Variants in RNF123 observed in about 807,000 individuals in gnomAD.
RNF123 encodes the protein E3 ubiquitin-protein ligase RNF123.
In RNF123, 86 loss-of-function variants were observed where a neutral mutation model predicts 168.5. That is an observed-to-expected ratio of 0.51 (90% CI 0.43 to 0.61). RNF123 has a LOEUF of 0.61. Ranked by LOEUF, RNF123 falls within the 20% of genes least tolerant of loss-of-function variation. RNF123 has a pLI of 0.00. For missense variants in RNF123, 1,419 were observed against 1,729.7 expected (o/e 0.82, Z 3.19); for synonymous variants, 666 against 689.1 (o/e 0.97, Z 0.52).
intron 3 of RNF123, among the ~76,000 whole-genome samples, chr3:49,693,925 C>G (rs1045527576): frequency 6.6e-6 from 1 of 152,180 alleles, no homozygotes; most frequent in African/African-American, 2.4e-5. Flanking sequence ...CTGTTCGTAT[C>G]TTTTGCCCAT....
At chr3:49,713,101 C>T in intron 27 of RNF123, 1 of 601,572 alleles carries the variant, frequency 1.7e-6, no homozygotes, top group South Asian at 2.0e-5. Flanking sequence ...TCTCAGCCTG[C>T]TGATTCCAGG....
Position 49,700,664 on chromosome 3 carries a change from T to C in RNF123, c.1232T>C (p.Ile411Thr), listed in dbSNP as rs373323429. The change falls in exon 15 of 39, where the codon ATC becomes ACC. Residue 411 changes from isoleucine to threonine, a missense_variant. Ile to Thr is a moderately conservative substitution (Grantham distance 89). This residue lies in a region of RNF123 where 349 missense variants were observed against 344.9 expected (regional missense o/e 1.01). Coordinates refer to ENST00000327697, the MANE Select transcript of RNF123 (RefSeq NM_022064.5). ...QIHYLRLTIA[I>T]LRHEKSRKFL... Reference sequence around the variant, plus strand: ...CATTACCTGCGGCTCACTATCGCCATCCTGAGGCATGAGAAGTCCCGCAAG... The same window carrying C: ...CATTACCTGCGGCTCACTATCGCCACCCTGAGGCATGAGAAGTCCCGCAAG... The C allele has an allele frequency of 1.9e-6, 3 of 1,614,066 alleles. No individual in the cohort carries two copies. In the African/African-American group the frequency reaches 4.0e-5, roughly 22 times the overall value.
chr3:49,718,104 T>G, intron 35 of RNF123: 1 of 1,613,590 alleles, frequency 6.2e-7, no homozygotes, highest in Admixed American at 1.7e-5. Context: ...CCAGAAAGAC[T>G]ACGTGCTTGT....
chr3:49,691,375 G>A (rs749232593), intron 2 of RNF123, 50 bp from the exon 3 acceptor site: 1 of 1,606,374 alleles, frequency 6.2e-7, no homozygotes, highest in Non-Finnish European at 8.5e-7. Flanking sequence ...CAGGGGCCAG[G>A]AGCTGCACTG....
At position 49,712,645 on chromosome 3, in the gene RNF123, A is replaced by T. The variant is rs1236561536; in HGVS notation, c.2663A>T (p.Glu888Val). The T allele has an allele frequency of 6.2e-7, 1 of 1,614,126 alleles. No individual in the cohort carries two copies. The highest frequency in any genetic ancestry group is 8.5e-7 in the Non-Finnish European group (1 of 1,180,020). The change falls in exon 27 of 39, where the codon GAG becomes GTG. Residue 888 changes from glutamate (E) to valine (V), a missense_variant. By Grantham distance (121) the Glu-to-Val change is moderately radical (BLOSUM62 -2). Around this residue, in one of 5 missense-constraint regions of RNF123, gnomAD observed 538 missense variants for 708.8 expected, o/e 0.76. Coordinates refer to ENST00000327697, the MANE Select transcript of RNF123 (RefSeq NM_022064.5). Reference sequence around the variant, plus strand: ...TACTTTGGTCCCGTGCACAGCATGGAGGAGCTCCCAGGTGATGGAACCATT... The same window carrying T: ...TACTTTGGTCCCGTGCACAGCATGGTGGAGCTCCCAGGTGATGGAACCATT... ...KNYFGPVHSM[E>V]ELPGYEETLT...
chr3:49,701,914 AG>A lies in RNF123; in HGVS notation c.1495+5del, dbSNP rs2054405958. 4 of 1,559,546 alleles carry A rather than the reference AG, an allele frequency of 2.6e-6. No individual in the cohort carries two copies. The highest frequency in any genetic ancestry group is 3.5e-6 in the Non-Finnish European group (4 of 1,151,396). The stretch of plus-strand genomic sequence containing the variant: ...CGGCTCAGGAAGCGCATCGAAGGTC[AG>A]CCCGCCTTGGGCACGGGGTAGGGTG... On this transcript the variant is annotated splice_donor_5th_base_variant and intron_variant, in intron 17 of 38. Coordinates refer to ENST00000327697, the MANE Select transcript of RNF123 (RefSeq NM_022064.5).
At chr3:49,707,974 T>G (rs1191440055) in intron 26 of RNF123, among the ~76,000 whole-genome samples, 2 of 152,112 alleles carry the variant, frequency 1.3e-5, no homozygotes, top group East Asian at 1.9e-4. Context: ...AGCTGTGTTT[T>G]TTTTGTTTTG....
rs2054420175 is a variant in RNF123, at chr3:49,702,329, C to G, written c.1558-5C>G. The G allele has an allele frequency of 1.2e-6, 2 of 1,614,006 alleles. No homozygotes were observed. The highest frequency in any genetic ancestry group is 1.7e-6 in the Non-Finnish European group (2 of 1,179,968). Reference sequence around the variant, plus strand: ...AGCACAGCCTCACTTTTCCCTCTCTCAAAGGGTGAAGCTTCTAGGTATATC... The same window carrying G: ...AGCACAGCCTCACTTTTCCCTCTCTGAAAGGGTGAAGCTTCTAGGTATATC... On this transcript the variant is annotated splice_region_variant and splice_polypyrimidine_tract_variant and intron_variant, in intron 18 of 38. Transcript: ENST00000327697.
Position 49,701,554 on chromosome 3 carries a change from C to T in RNF123, c.1341C>T (p.Ala447=), listed in dbSNP as rs771772390. The T allele has an allele frequency of 3.5e-5, 56 of 1,613,718 alleles. No homozygotes were observed. The highest frequency in any genetic ancestry group is 1.8e-4 in the Admixed American group (11 of 60,010). The change falls in exon 16 of 39, where the codon GCC becomes GCT. Residue 447 remains alanine (A), a synonymous_variant. Transcript: ENST00000327697. The stretch of plus-strand genomic sequence containing the variant: ...AGAGCCCCCTGCGTGTGGAGGAGGC[C>T]GGCCTGCAGGAGCTCATTCCCACCA... The part of the protein sequence containing the change: ...YIKSPLRVEE[A]GLQELIPTTW...
rs755128139 is a variant in RNF123 at position 49,703,478 on chromosome 3, A to T, written c.1802A>T (p.Asp601Val). ...VFYNGKVDYF[D>V]LQRLGGLLSH... ...TATAATGGCAAGGTGGACTACTTTG[A>T]CCTGCAGCGCCTGGGGGGCCTCCTC... The change falls in exon 21 of 39, where the codon GAC becomes GTC. Residue 601 changes from aspartate to valine, a missense_variant. Asp to Val is a radical substitution (Grantham distance 152). Around this residue, in one of 5 missense-constraint regions of RNF123, gnomAD observed 349 missense variants for 344.9 expected, o/e 1.01. Transcript: ENST00000327697. 7 of 1,613,776 alleles carry T rather than the reference A, an allele frequency of 4.3e-6. No homozygotes were observed. The highest frequency in any genetic ancestry group is 5.9e-6 in the Non-Finnish European group (7 of 1,179,926).
chr3:49,704,884 C>T lies in RNF123; in HGVS notation c.1960-100C>T, dbSNP rs921548572. On this transcript the variant is annotated intron_variant, in intron 22 of 38. Transcript: ENST00000327697. The stretch of plus-strand genomic sequence containing the variant: ...GGTTTCTCACTGGGCTGGTGCCTTG[C>T]TGTGGGTGGAGGCATGGACCCTCCC... The T allele has an allele frequency of 6.4e-6, 9 of 1,403,896 alleles. No individual in the cohort carries two copies. The African/African-American group carries it at 1.0e-4, about 16-fold the overall frequency. 87.0% of individuals were successfully genotyped at this position (1,403,896 alleles called of 1,614,324 possible).
In RNF123 at chr3:49,699,554, C is replaced by G; in HGVS notation, c.851C>G (p.Ala284Gly). The G allele has an allele frequency of 6.2e-7, 1 of 1,613,338 alleles. No individual in the cohort carries two copies. The highest frequency in any genetic ancestry group is 8.5e-7 in the Non-Finnish European group (1 of 1,179,794). ...CAGAGGTTGCTGGGCTGCTTCCGGGCAGTGCTGAGTGTGGAGCTGGACCCT... is the reference window on the plus strand; with the variant it reads ...CAGAGGTTGCTGGGCTGCTTCCGGGGAGTGCTGAGTGTGGAGCTGGACCCT... ...RAQRLLGCFR[A>G]VLSVELDPVE... is the part of the protein sequence containing the mutation. Residue 284 changes from alanine (A) to glycine (G), a missense_variant, in exon 11 of 39, where the codon GCA (alanine) becomes GGA (glycine). By Grantham distance (60) the Ala-to-Gly change is moderately conservative (BLOSUM62 0). Coordinates refer to ENST00000327697, the MANE Select transcript of RNF123 (RefSeq NM_022064.5). This position sits in a 1 kb window ranked among gnomAD's most constrained non-coding sequence, Gnocchi z 4.8.
rs770246583 is a variant in RNF123 at position 49,720,875 on chromosome 3, A to T, written c.3719A>T (p.Gln1240Leu). The T allele has an allele frequency of 6.2e-7, 1 of 1,614,156 alleles. No homozygotes were observed. Among genetic ancestry groups the T allele is most frequent in the East Asian group, 2.2e-5 (1 of 44,894 alleles). ...GCGCACCTGACCTCTGCATCTGCCCAGGCAGCAGCTGCCTCCCTGGTGAGT... is the reference window on the plus strand; with the variant it reads ...GCGCACCTGACCTCTGCATCTGCCCTGGCAGCAGCTGCCTCCCTGGTGAGT... ...MLAHLTSASA[Q>L]AAAASLPTSE... is the part of the protein sequence containing the mutation. Residue 1240 changes from glutamine (Q) to leucine (L), a missense_variant, in exon 37 of 39, where the codon CAG becomes CTG. This residue lies in a region of RNF123 where 164 missense variants were observed against 152.3 expected (regional missense o/e 1.08). Coordinates refer to ENST00000327697, the MANE Select transcript of RNF123 (RefSeq NM_022064.5).
intron 1 of RNF123, among the ~76,000 whole-genome samples, chr3:49,690,736 G>A (rs2054137872): frequency 6.6e-6 from 1 of 152,252 alleles, no homozygotes; most frequent in Non-Finnish European, 1.5e-5. Flanking sequence ...GTCGCTTCTG[G>A]TTGTGAGCTG....
At chr3:49,702,802 G>A (rs765879981) in intron 20 of RNF123, 49 bp downstream of exon 20, 22 of 1,612,194 alleles carry the variant, frequency 1.4e-5, no homozygotes, top group East Asian at 1.3e-4. Flanking sequence ...AGAGCCAGGC[G>A]TAGGGCAGCC....
rs1417924911 is a variant in RNF123, at chr3:49,721,406, C to T, written c.*101C>T. The T allele has an allele frequency of 6.8e-7, 1 of 1,465,950 alleles. No individual in the cohort carries two copies. The highest frequency in any genetic ancestry group is 9.6e-7 in the Non-Finnish European group (1 of 1,046,232). The allele number at this position is 1,465,950 out of a possible 1,614,324, so 90.8% of individuals were successfully genotyped here. On this transcript the variant is annotated 3_prime_UTR_variant, in exon 39 of 39. Coordinates refer to ENST00000327697, the MANE Select transcript of RNF123 (RefSeq NM_022064.5). Reference sequence around the variant, plus strand: ...TTTGCCCTTCTCCTGTATCCCACACCACCACATCCAACCTCCTTGCCTGCC... The same window carrying T: ...TTTGCCCTTCTCCTGTATCCCACACTACCACATCCAACCTCCTTGCCTGCC...
rs201901135 is a variant in RNF123 at position 49,705,130 on chromosome 3, G to A, written c.2106G>A (p.Ser702=). The A allele has an allele frequency of 4.0e-5, 65 of 1,609,824 alleles. 1 individual carries two copies. In the Middle Eastern group the frequency reaches 5.0e-4, roughly 12 times the overall value. Residue 702 remains serine (S), a synonymous_variant, in exon 23 of 39, where the codon TCG becomes TCA. Transcript: ENST00000327697. ...LMTPRRPLST[S]EKVKVRTLSV... Reference sequence around the variant, plus strand: ...CCCCACGGCGGCCTCTGAGCACCTCGGAGAAAGTGAAGGTCCGCACGCTGA... The same window carrying A: ...CCCCACGGCGGCCTCTGAGCACCTCAGAGAAAGTGAAGGTCCGCACGCTGA...
Position 49,715,807 on chromosome 3 carries a change from G to A in RNF123, c.3151-15G>A, listed in dbSNP as rs761392226. 61 of 1,613,954 alleles carry A rather than the reference G, an allele frequency of 3.8e-5. 2 individuals carry two copies. In the South Asian group the frequency reaches 4.2e-4, roughly 11 times the overall value. On this transcript the variant is annotated splice_polypyrimidine_tract_variant and intron_variant, in intron 32 of 38. Coordinates refer to ENST00000327697, the MANE Select transcript of RNF123 (RefSeq NM_022064.5). ...CAGGTGCTGACCACTGCATGCCCAC[G>A]TGTTGGTGGCTCAGATCCAGCAGGC... is the stretch of plus-strand genomic sequence containing the variant.
In RNF123 at chr3:49,712,628, T is replaced by C; in HGVS notation, c.2646T>C (p.Gly882=). The C allele has an allele frequency of 6.2e-7, 1 of 1,614,110 alleles. No individual in the cohort carries two copies. The highest frequency in any genetic ancestry group is 8.5e-7 in the Non-Finnish European group (1 of 1,180,022). ...NSYSALKNYF[G]PVHSMEELPG... is the part of the protein sequence containing the mutation. ...ACAGTGCTCTCAAGAATTACTTTGG[T>C]CCCGTGCACAGCATGGAGGAGCTCC... Residue 882 remains glycine, a synonymous_variant, in exon 27 of 39, where the codon GGT becomes GGC. Transcript: ENST00000327697.
Sources: gnomAD v4.1 joint callset for allele counts (sites outside exome capture counted in the v4.1 genomes callset) on GRCh38, gnomAD v4.1.1 for gene constraint, gnomAD v4.1.1 regional missense constraint, Gnocchi (gnomAD v3.1) non-coding constraint, MANE v1.5 for transcripts, NCBI Gene and HGNC (gene_info 2026-07-23, HGNC 2026-07-21) for gene names.